The following STRADA variants were observed in gnomAD, a reference collection of about 807,000 sequenced individuals.
STRADA encodes STE20-related kinase adapter protein alpha.
In STRADA, 26 loss-of-function variants were observed where a neutral mutation model predicts 55.0. The ratio of observed to expected loss-of-function variants is 0.47; its 90% CI spans 0.35 to 0.66. The LOEUF (loss-of-function observed/expected upper bound fraction) is 0.66. Among genes scored for constraint, STRADA ranks in the 30% least tolerant of loss-of-function variants. The pLI is 0.01. For missense variants in STRADA, 443 were observed against 549.7 expected, an observed-to-expected ratio of 0.81 and a Z score of 1.94; for synonymous variants, 197 against 210.9, an observed-to-expected ratio of 0.93 and a Z score of 0.57.
At chr17:63,713,366 G>A in intron 6 of STRADA, 40 bp downstream of exon 6, 5 of 1,602,158 alleles carry the variant, frequency 3.1e-6, no homozygotes, top group Non-Finnish European at 4.3e-6. Context: ...AGAGCCAAGA[G>A]CCCACCCTCC....
intron 8 of STRADA, 58 bp from the exon 9 acceptor site, chr17:63,707,476 T>G (rs976442230): frequency 3.3e-5 from 52 of 1,592,626 alleles, no homozygotes; most frequent in Non-Finnish European, 2.6e-5. Flanking sequence ...CTACAAATTT[T>G]TGGTCTTCAC....
chr17:63,733,142 G>A (rs1258914065), intron 1 of STRADA, among the ~76,000 whole-genome samples: 6 of 152,076 alleles, frequency 3.9e-5, no homozygotes, highest in African/African-American at 9.7e-5. Flanking sequence ...CGCCCACCTC[G>A]GCCTTCCAAC....
chr17:63,735,954 T>C (rs1484785104), intron 1 of STRADA, among the ~76,000 whole-genome samples: 1 of 152,114 alleles, frequency 6.6e-6, no homozygotes, highest in South Asian at 2.1e-4. Context: ...CTTTTTTTTT[T>C]GAGACGGAGT....
intron 3 of STRADA, among the ~76,000 whole-genome samples, chr17:63,725,361 G>A (rs745497243): frequency 6.6e-6 from 1 of 151,958 alleles, no homozygotes; most frequent in Non-Finnish European, 1.5e-5. Context: ...TTTTTGAGAC[G>A]GAGTCTCAAA....
intron 3 of STRADA, 73 bp downstream of exon 3, chr17:63,726,565 G>C: frequency 6.8e-7 from 1 of 1,460,968 alleles, no homozygotes; most frequent in Admixed American, 1.9e-5. Context: ...AATTGCTATA[G>C]ATTGATTTAG....
At chr17:63,716,947 G>A (rs991392833) in intron 4 of STRADA, 1 of 152,202 alleles carries the variant, frequency 6.6e-6, no homozygotes. Flanking sequence ...GTCTATTACT[G>A]GTTCTGTGAC....
intron 12 of STRADA, 115 bp downstream of exon 12, chr17:63,703,890 G>C (rs1033352696): frequency 1.2e-6 from 2 of 1,608,186 alleles, no homozygotes; most frequent in East Asian, 2.2e-5. Flanking sequence ...TCTTTCAGGG[G>C]CTTCGGAAGC....
At chr17:63,724,015 A>G (rs1355079855) in intron 3 of STRADA, 1 of 152,254 alleles carries the variant, frequency 6.6e-6, no homozygotes, top group Non-Finnish European at 1.5e-5. Flanking sequence ...AAGATTTTTA[A>G]CTGTAAAATA....
In STRADA at chr17:63,740,107, T is replaced by TATATATATATATATATATATATACACAC. The variant is rs1309095081; in HGVS notation, c.-45+1633_-45+1634insGTGTGTATATATATATATATATATATAT. Among the ~76,000 whole-genome samples, 147 of 49,626 alleles carry TATATATATATATATATATATATACACAC rather than the reference T, an allele frequency of 3.0e-3. 6 individuals are homozygous for TATATATATATATATATATATATACACAC. The highest frequency in any genetic ancestry group is 0.011 in the Middle Eastern group (1 of 90). 32.6% of individuals were successfully genotyped at this position (49,626 alleles called of 152,430 possible). A position where few individuals can be genotyped will look rare whatever the true frequency, so the allele number is the denominator to read the frequency against. On this transcript the variant is annotated intron_variant, in intron 1 of 12. Transcript: ENST00000336174. ...AACACTATATATATATATATATATA[T>TATATATATATATATATATATATACACAC]ACATACATACATATATATATACACA...
intron 3 of STRADA, 21 bp downstream of exon 3, chr17:63,726,617 T>G: frequency 6.2e-7 from 1 of 1,610,248 alleles, no homozygotes; most frequent in Non-Finnish European, 8.5e-7. Context: ...AAGTGATGGC[T>G]AAATGCCATA....
At chr17:63,720,600 C>T (rs1296496344) in intron 4 of STRADA, among the ~76,000 whole-genome samples, 1 of 151,550 alleles carries the variant, frequency 6.6e-6, no homozygotes, top group Non-Finnish European at 1.5e-5. Flanking sequence ...CAGTGAAACC[C>T]TGTCTCTACT....
rs372982779 is a variant in STRADA at position 63,738,834 on chromosome 17, AAAT to A, written c.-45+2904_-45+2906del. ...GGCTGCAGAGTGACACTCCATCTCA[AAAT>A]AATAATAATAATAATAATAATAATG... On this transcript the variant is annotated intron_variant, in intron 1 of 12. Transcript: ENST00000336174. Among the ~76,000 whole-genome samples the A allele has an allele frequency of 7.4e-3, 1,075 of 146,224 alleles. 10 individuals are homozygous for A. The highest frequency in any genetic ancestry group is 0.025 in the African/African-American group (975 of 38,868).
At chr17:63,741,467 G>T (rs1335169283) in intron 1 of STRADA, 1 of 153,792 alleles carries the variant, frequency 6.5e-6, no homozygotes, top group Non-Finnish European at 1.4e-5. Context: ...GAAGTCCTAG[G>T]GGGTGGGGAG....
At position 63,720,322 on chromosome 17, in the gene STRADA, G is replaced by A. The variant is rs543575107; in HGVS notation, c.123+2976C>T. ...CCTGGGTAGCTAGGACTACCAGTGTGCGCTACCATGCCTGGCTAGTTTTTT... is the reference window on the plus strand; with the variant it reads ...CCTGGGTAGCTAGGACTACCAGTGTACGCTACCATGCCTGGCTAGTTTTTT... On this transcript the variant is annotated intron_variant, in intron 4 of 12. Transcript: ENST00000336174. Among the ~76,000 whole-genome samples the A allele has an allele frequency of 6.2e-4, 94 of 152,072 alleles. 2 individuals are homozygous for A. Among genetic ancestry groups the A allele is most frequent in the Middle Eastern group, 3.4e-3 (1 of 294 alleles).
intron 1 of STRADA, among the ~76,000 whole-genome samples, chr17:63,730,575 A>G (rs150241958): frequency 0.013 from 2,036 of 151,406 alleles, 15 homozygotes; most frequent in Non-Finnish European, 0.019. Flanking sequence ...TATTTTTTGT[A>G]GAGACGGGCT....
chr17:63,740,641 T>C (rs2038874735), intron 1 of STRADA, among the ~76,000 whole-genome samples: 1 of 152,216 alleles, frequency 6.6e-6, no homozygotes, highest in African/African-American at 2.4e-5. Flanking sequence ...ATCTCTGTTT[T>C]ACGGATCAGG....
At chr17:63,715,420 T>G (rs1345612281) in intron 4 of STRADA, 1 of 152,296 alleles carries the variant, frequency 6.6e-6, no homozygotes, top group East Asian at 1.9e-4. Context: ...CCCTGTTGGC[T>G]GACGTTTCAC....
intron 1 of STRADA, among the ~76,000 whole-genome samples, chr17:63,730,439 A>G (rs974582576): frequency 6.7e-6 from 1 of 148,424 alleles, no homozygotes; most frequent in African/African-American, 2.5e-5. Context: ...TCTGTCATCC[A>G]GTCTGGAGTG....
chr17:63,727,081 G>A (rs1356897902), intron 2 of STRADA: 1 of 199,756 alleles, frequency 5.0e-6, no homozygotes, highest in Admixed American at 5.9e-5. Flanking sequence ...AGATGAAACA[G>A]TAGTTATTCA....
Sources: allele counts gnomAD v4.1 joint callset (sites outside exome capture counted in the v4.1 genomes callset), GRCh38; gene constraint gnomAD v4.1.1; transcripts MANE v1.5; gene names NCBI Gene and HGNC (gene_info 2026-07-23, HGNC 2026-07-21).